ENOX1: variants seen among roughly 807,000 people sequenced by gnomAD.
ENOX1 encodes ecto-NOX disulfide-thiol exchanger 1.
Under a neutral mutation model 82.5 loss-of-function variants are expected in ENOX1, and 42 were observed. The observed-to-expected ratio is 0.51, with a 90% CI of 0.40 to 0.66. ENOX1 has a LOEUF of 0.66. Ranked by LOEUF, ENOX1 falls within the 30% of genes least tolerant of loss-of-function variation. The probability of loss-of-function intolerance (pLI) is 0.00; values close to 1 mark genes in which losing one functional copy is unlikely to be tolerated. For synonymous variants in ENOX1, 271 were observed against 282.2 expected (o/e 0.96, Z 0.40); for missense variants, 608 against 811.6 (o/e 0.75, Z 3.05).
At chr13:43,572,189 A>C (rs7984820) in intron 2 of ENOX1, among the ~76,000 whole-genome samples, 1,896 of 152,248 alleles carry the variant, frequency 0.012, 33 homozygotes, top group African/African-American at 0.043. Context: ...CCAATTCACC[A>C]GCCCTTCCAT....
rs2085692871 is a variant in ENOX1 at position 43,679,736 on chromosome 13, A to T, written c.-284-12192T>A. On this transcript the variant is annotated intron_variant, in intron 1 of 16. Coordinates refer to ENST00000690772, the MANE Select transcript of ENOX1 (RefSeq NM_001347969.2). ...AGCTCCAGATGATAGAACTGCTGGAAATATGACCACTGGATAAGTGAGGTA... is the reference window on the plus strand; with the variant it reads ...AGCTCCAGATGATAGAACTGCTGGATATATGACCACTGGATAAGTGAGGTA... Among the ~76,000 whole-genome samples, 3 of 152,178 alleles carry T rather than the reference A, an allele frequency of 2.0e-5. No homozygotes were observed. In the South Asian group the frequency reaches 6.2e-4, roughly 32 times the overall value.
At chr13:43,691,701 T>TC (rs1302536464) in intron 1 of ENOX1, among the ~76,000 whole-genome samples, 2 of 150,884 alleles carry the variant, frequency 1.3e-5, no homozygotes, top group Non-Finnish European at 3.0e-5. Flanking sequence ...CCACAGACTT[T>TC]TTTTTTTTTT....
At chr13:43,656,770 G>A (rs1458100786) in intron 2 of ENOX1, among the ~76,000 whole-genome samples, 1 of 151,802 alleles carries the variant, frequency 6.6e-6, no homozygotes, top group Admixed American at 6.6e-5. Context: ...TGAAAGAAGT[G>A]TGTTCTCTGC....
At chr13:43,764,705 CAATA>C (rs1328714822) in intron 1 of ENOX1, among the ~76,000 whole-genome samples, 2 of 152,136 alleles carry the variant, frequency 1.3e-5, no homozygotes, top group Non-Finnish European at 2.9e-5. Context: ...TGCTTTCAAG[CAATA>C]ATATCAGCTA....
chr13:43,635,346 A>G (rs1431708964), intron 2 of ENOX1, among the ~76,000 whole-genome samples: 1 of 152,228 alleles, frequency 6.6e-6, no homozygotes, highest in Non-Finnish European at 1.5e-5. Context: ...GAAGCAATTT[A>G]TCAAAATTAT....
Sources: allele counts gnomAD v4.1 joint callset (sites outside exome capture counted in the v4.1 genomes callset), GRCh38; gene constraint gnomAD v4.1.1; transcripts MANE v1.5; gene names NCBI Gene and HGNC (gene_info 2026-07-23, HGNC 2026-07-21).